Variants in TBC1D5 observed in about 807,000 individuals in gnomAD.
TBC1D5 encodes the protein TBC1 domain family member 5, also known as TBC1 domain family, member 5.
Under a neutral mutation model 100.3 loss-of-function variants are expected in TBC1D5, and 75 were observed. The ratio of observed to expected loss-of-function variants is 0.75; its 90% CI spans 0.62 to 0.91. The LOEUF is 0.91. TBC1D5 is among the 40% of genes least tolerant of loss of function. TBC1D5 has a pLI of 0.00. For synonymous variants in TBC1D5, 323 were observed against 325.6 expected, an observed-to-expected ratio of 0.99 and a Z score of 0.09; for missense variants, 910 against 942.4, an observed-to-expected ratio of 0.97 and a Z score of 0.45.
chr3:17,569,939 T>C (rs2096616531), intron 2 of TBC1D5, among the ~76,000 whole-genome samples: 1 of 151,922 alleles, frequency 6.6e-6, no homozygotes, highest in African/African-American at 2.4e-5. Context: ...ATACAGTCTC[T>C]TCACTTTGGA....
At chr3:17,659,318 G>C (rs542311975) in intron 1 of TBC1D5, among the ~76,000 whole-genome samples, 1 of 152,150 alleles carries the variant, frequency 6.6e-6, no homozygotes, top group South Asian at 2.1e-4. Context: ...GAATATTCTG[G>C]CACAGGGATT....
intron 1 of TBC1D5, among the ~76,000 whole-genome samples, chr3:17,642,490 C>T (rs2064616416): frequency 6.6e-6 from 1 of 152,074 alleles, no homozygotes; most frequent in African/African-American, 2.4e-5. Context: ...CAAATACCCC[C>T]GATACCTACT....
rs564067529 is a variant in TBC1D5 at position 17,520,184 on chromosome 3, C to T, written c.-35-11579G>A. 6.6e-5 allele frequency among the ~76,000 whole-genome samples: 10 copies of T among 152,256 alleles called. No individual in the cohort carries two copies. In the South Asian group the frequency reaches 1.9e-3, roughly 28 times the overall value. ...TTATACAGAATGATGAGGAAACAGGCTTATAGTGCATATAAATACGAAAGC... is the reference window on the plus strand; with the variant it reads ...TTATACAGAATGATGAGGAAACAGGTTTATAGTGCATATAAATACGAAAGC... On this transcript the variant is annotated intron_variant, in intron 2 of 21. Coordinates refer to ENST00000253692, the Ensembl canonical transcript of TBC1D5.
chr3:17,246,829 G>A (rs942265331), intron 16 of TBC1D5, among the ~76,000 whole-genome samples: 1 of 152,142 alleles, frequency 6.6e-6, no homozygotes, highest in African/African-American at 2.4e-5. Flanking sequence ...ACAGTAAAGG[G>A]TTAACTCAGC....
chr3:17,446,683 C>T (rs926013362), intron 3 of TBC1D5, among the ~76,000 whole-genome samples: 1 of 152,064 alleles, frequency 6.6e-6, no homozygotes, highest in African/African-American at 2.4e-5. Context: ...TTTTAAAGAC[C>T]ACATTGGGCC....
chr3:17,685,233 A>G (rs375835205), intron 1 of TBC1D5, among the ~76,000 whole-genome samples: 2 of 152,028 alleles, frequency 1.3e-5, no homozygotes, highest in African/African-American at 4.8e-5. Context: ...TGCAATGACT[A>G]TACTTTTGCC....
intron 3 of TBC1D5, among the ~76,000 whole-genome samples, chr3:17,428,726 A>T (rs1278001020): frequency 6.6e-6 from 1 of 151,982 alleles, no homozygotes; most frequent in East Asian, 1.9e-4. Flanking sequence ...TAGACTGGAC[A>T]GTAACAGTAC....
rs1244251253 is a variant in TBC1D5, at chr3:17,704,522, CCGGA to C, written c.-101+34817_-101+34820del. On this transcript the variant is annotated intron_variant, in intron 1 of 21. Transcript: ENST00000253692. ...GCCGGGCAGAGGCGCCCCTCACCTC[CCGGA>C]CGGGGCGGCTGGCCGGGCGGGGGGC... is the stretch of plus-strand genomic sequence containing the variant. Among the ~76,000 whole-genome samples, 485 of 98,836 alleles carry C rather than the reference CCGGA, an allele frequency of 4.9e-3. 10 individuals carry two copies. The highest frequency in any genetic ancestry group is 0.017 in the African/African-American group (458 of 27,552). The allele number at this position is 98,836 out of a possible 152,430, so 64.8% of individuals were successfully genotyped here. A position where few individuals can be genotyped will look rare whatever the true frequency, so the allele number is the denominator to read the frequency against.
At chr3:17,181,039 T>C (rs544555039) in intron 19 of TBC1D5, among the ~76,000 whole-genome samples, 1 of 152,198 alleles carries the variant, frequency 6.6e-6, no homozygotes, top group Non-Finnish European at 1.5e-5. Flanking sequence ...CTAGAGTAAG[T>C]TTCTGAGACA....
chr3:17,721,057 T>A (rs1577782763), intron 1 of TBC1D5, among the ~76,000 whole-genome samples: 1 of 151,926 alleles, frequency 6.6e-6, no homozygotes, highest in South Asian at 2.1e-4. Context: ...GCCAGGCTGG[T>A]CTTGAATTCC....
At chr3:17,739,564 A>C (rs1255562044) in exon 1 of TBC1D5, 3 of 152,246 alleles carry the variant, frequency 2.0e-5, no homozygotes, top group Non-Finnish European at 4.4e-5. Context: ...CTTTCAGAGG[A>C]AGTAGATACT....
chr3:17,219,852 G>GA (rs533573157), intron 17 of TBC1D5, among the ~76,000 whole-genome samples: 1 of 152,032 alleles, frequency 6.6e-6, no homozygotes, highest in Non-Finnish European at 1.5e-5. Context: ...CCAGAGTTCT[G>GA]AAAAAGTTTA....
chr3:17,648,307 T>G (rs913012203), intron 1 of TBC1D5, among the ~76,000 whole-genome samples: 7 of 152,016 alleles, frequency 4.6e-5, no homozygotes, highest in African/African-American at 7.2e-5. Flanking sequence ...CCTTCCTTAC[T>G]CCATACACAA....
intron 1 of TBC1D5, among the ~76,000 whole-genome samples, chr3:17,730,126 T>TA (rs1490984169): frequency 6.6e-6 from 1 of 152,018 alleles, no homozygotes; most frequent in Non-Finnish European, 1.5e-5. Context: ...AAAAAAAAAT[T>TA]ATACTTAATG....
rs148687032 is a variant in TBC1D5 at position 17,166,848 on chromosome 3, C to T, written c.2013G>A (p.Ala671=). The change falls in exon 21 of 22, where the codon GCG becomes GCA. Residue 671 remains alanine (A), a synonymous_variant. Transcript: ENST00000253692. ...GGCCGCTGGAGCAGTAGTGGTTGTC[C>T]GCAATGGTGATCTGTTCGTTCTCTT... 1.3e-3 allele frequency: 2,150 copies of T among 1,614,168 alleles called. 2 individuals are homozygous for T. Among genetic ancestry groups the T allele is most frequent in the Non-Finnish European group, 1.7e-3 (1,967 of 1,180,020 alleles).
rs75799896 is a variant in TBC1D5, at chr3:17,262,244, C to G, written c.1246-3653G>C. On this transcript the variant is annotated intron_variant, in intron 15 of 21. Coordinates refer to ENST00000253692, the Ensembl canonical transcript of TBC1D5. ...ATTGACCCCAGGCTACAAACCTGTACAGCATGTTACTGTATTGAATACAGT... is the reference window on the plus strand; with the variant it reads ...ATTGACCCCAGGCTACAAACCTGTAGAGCATGTTACTGTATTGAATACAGT... Among the ~76,000 whole-genome samples, 232 of 152,170 alleles carry G rather than the reference C, an allele frequency of 1.5e-3. 1 individual carries two copies. The highest frequency in any genetic ancestry group is 5.4e-3 in the African/African-American group (225 of 41,504).
intron 13 of TBC1D5, among the ~76,000 whole-genome samples, chr3:17,353,691 A>G (rs2090896537): frequency 6.6e-6 from 1 of 152,014 alleles, no homozygotes; most frequent in African/African-American, 2.4e-5. Context: ...CATTTTACAA[A>G]TCAGAAAGTC....
At position 17,313,815 on chromosome 3, in the gene TBC1D5, G is replaced by C. The variant is rs531012448; in HGVS notation, c.996-5681C>G. ...ACCAACAACAATTACGTTGGAAATAGAATTCCTGTTATTCAAAGGGACATG... is the reference window on the plus strand; with the variant it reads ...ACCAACAACAATTACGTTGGAAATACAATTCCTGTTATTCAAAGGGACATG... On this transcript the variant is annotated intron_variant, in intron 13 of 21. Coordinates refer to ENST00000253692, the Ensembl canonical transcript of TBC1D5. 8.5e-5 allele frequency among the ~76,000 whole-genome samples: 13 copies of C among 152,302 alleles called. No homozygotes were observed. In the South Asian group the frequency reaches 1.0e-3, roughly 12 times the overall value.
intron 18 of TBC1D5, among the ~76,000 whole-genome samples, chr3:17,209,160 C>T (rs1323594102): frequency 2.6e-5 from 4 of 152,110 alleles, no homozygotes; most frequent in Admixed American, 2.6e-4. Flanking sequence ...TCTATCTAGT[C>T]TATCTAAGAC....
Sources: allele counts gnomAD v4.1 joint callset (sites outside exome capture counted in the v4.1 genomes callset), GRCh38; gene constraint gnomAD v4.1.1; transcripts MANE v1.5; gene names NCBI Gene and HGNC (gene_info 2026-07-23, HGNC 2026-07-21).